RBMS3: variants seen among roughly 807,000 people sequenced by gnomAD.
RBMS3 encodes RNA-binding motif, single-stranded-interacting protein 3.
Under a neutral mutation model 66.8 loss-of-function variants are expected in RBMS3, and 27 were observed. The ratio of observed to expected loss-of-function variants is 0.40; its 90% CI spans 0.30 to 0.56. The LOEUF (loss-of-function observed/expected upper bound fraction) is 0.56. Among genes scored for constraint, RBMS3 ranks in the 20% least tolerant of loss-of-function variants. RBMS3 has a pLI of 0.40. For missense variants in RBMS3, 513 were observed against 549.5 expected (o/e 0.93, Z 0.66); for synonymous variants, 188 against 183.0 (o/e 1.03, Z -0.22).
At chr3:29,396,712 G>T (rs189910470) in intron 1 of RBMS3, among the ~76,000 whole-genome samples, 310 of 152,214 alleles carry the variant, frequency 2.0e-3, no homozygotes, top group Middle Eastern at 6.8e-3. Context: ...CTAGGGAAAA[G>T]ATATATTCTT....
intron 4 of RBMS3, among the ~76,000 whole-genome samples, chr3:29,722,178 GTTTAT>G (rs1002528473): frequency 1.1e-4 from 16 of 152,080 alleles, no homozygotes; most frequent in Non-Finnish European, 2.2e-4. Flanking sequence ...TTAACAGCTT[GTTTAT>G]TTTATTTTTT....
chr3:29,383,610 G>T (rs1381022330), intron 1 of RBMS3, among the ~76,000 whole-genome samples: 3 of 152,166 alleles, frequency 2.0e-5, no homozygotes, highest in Non-Finnish European at 4.4e-5. Context: ...TATATTGTTA[G>T]TGTAAAATAT....
chr3:29,804,868 A>G (rs2149448223), intron 6 of RBMS3, among the ~76,000 whole-genome samples: 1 of 151,896 alleles, frequency 6.6e-6, no homozygotes, highest in East Asian at 1.9e-4. Context: ...TTTAATCAAT[A>G]ACACAGCTTA....
At chr3:29,713,990 G>T (rs1421337417) in intron 4 of RBMS3, among the ~76,000 whole-genome samples, 1 of 152,162 alleles carries the variant, frequency 6.6e-6, no homozygotes, top group Non-Finnish European at 1.5e-5. Flanking sequence ...GGGAAGCAAA[G>T]GTTGCAGTGA....
chr3:29,312,438 G>A (rs1405866978), intron 1 of RBMS3, among the ~76,000 whole-genome samples: 1 of 151,640 alleles, frequency 6.6e-6, no homozygotes, highest in Non-Finnish European at 1.5e-5. Flanking sequence ...TCAGGGGAAG[G>A]CAAATTCATA....
chr3:29,714,539 C>G (rs533095862), intron 4 of RBMS3, among the ~76,000 whole-genome samples: 30 of 152,236 alleles, frequency 2.0e-4, no homozygotes, highest in Non-Finnish European at 3.4e-4. Flanking sequence ...AATTTAAAAT[C>G]ATGAGACTTG....
chr3:29,995,997 A>G (rs1185977817), intron 14 of RBMS3, among the ~76,000 whole-genome samples: 1 of 152,218 alleles, frequency 6.6e-6, no homozygotes, highest in Non-Finnish European at 1.5e-5. Flanking sequence ...GTCAAGACCC[A>G]TCAGTGTGCT....
chr3:29,752,071 T>G (rs2055207212), intron 5 of RBMS3, among the ~76,000 whole-genome samples: 1 of 151,790 alleles, frequency 6.6e-6, no homozygotes, highest in Non-Finnish European at 1.5e-5. Flanking sequence ...CCAGGAGGAG[T>G]GAGGTCACAC....
At chr3:29,869,486 C>CAT in intron 7 of RBMS3, among the ~76,000 whole-genome samples, 1 of 151,860 alleles carries the variant, frequency 6.6e-6, no homozygotes, top group East Asian at 1.9e-4. Flanking sequence ...CACACACACA[C>CAT]ATATATAAAA....
At chr3:29,428,959 T>G (rs1413974767) in intron 1 of RBMS3, among the ~76,000 whole-genome samples, 2 of 152,240 alleles carry the variant, frequency 1.3e-5, no homozygotes, top group African/African-American at 4.8e-5. Context: ...ATCATCATTC[T>G]TTCCCTCCTG....
At chr3:29,959,478 G>A (rs1372570166) in intron 12 of RBMS3, among the ~76,000 whole-genome samples, 1 of 152,114 alleles carries the variant, frequency 6.6e-6, no homozygotes, top group Non-Finnish European at 1.5e-5. Flanking sequence ...AAGCCTCCAG[G>A]TGACTCTGGT....
At position 29,676,017 on chromosome 3, in the gene RBMS3, A is replaced by T. The variant is rs189419319; in HGVS notation, c.400-63703A>T. ...ACTATTCACAATAGCAAAGACTTGG[A>T]ACCAACCAAGATGTCCATCACTGAT... is the stretch of plus-strand genomic sequence containing the variant. On this transcript the variant is annotated intron_variant, in intron 4 of 14. Transcript: ENST00000383767. 1.3e-4 allele frequency among the ~76,000 whole-genome samples: 20 copies of T among 152,356 alleles called. No individual in the cohort carries two copies. In the East Asian group the frequency reaches 3.9e-3, roughly 29 times the overall value.
chr3:29,953,359 G>A (rs1407630798), intron 12 of RBMS3, among the ~76,000 whole-genome samples: 3 of 151,918 alleles, frequency 2.0e-5, no homozygotes, highest in Admixed American at 2.0e-4. Flanking sequence ...TCTCTCTTTT[G>A]TCCACCACAG....
At chr3:29,680,835 T>G (rs1411148516) in intron 4 of RBMS3, among the ~76,000 whole-genome samples, 1 of 152,228 alleles carries the variant, frequency 6.6e-6, no homozygotes, top group African/African-American at 2.4e-5. Flanking sequence ...TCAATGTTTC[T>G]ATTTTTCCTC....
At chr3:29,323,070 C>T (rs1194440820) in intron 1 of RBMS3, among the ~76,000 whole-genome samples, 2 of 152,142 alleles carry the variant, frequency 1.3e-5, no homozygotes, top group African/African-American at 4.8e-5. Flanking sequence ...GAAGTTGGTG[C>T]TGTTAATGTC....
chr3:29,673,369 C>T (rs1325961832), intron 4 of RBMS3, among the ~76,000 whole-genome samples: 2 of 151,594 alleles, frequency 1.3e-5, no homozygotes, highest in Non-Finnish European at 2.9e-5. Context: ...CATTCAAAAG[C>T]TAGCAGAAGG....
chr3:29,779,713 A>G (rs1576781974), intron 6 of RBMS3, among the ~76,000 whole-genome samples: 1 of 144,320 alleles, frequency 6.9e-6, no homozygotes. Context: ...TGAAATATAT[A>G]TATATATATA....
intron 1 of RBMS3, among the ~76,000 whole-genome samples, chr3:29,384,027 G>A (rs2038890339): frequency 6.6e-6 from 1 of 152,138 alleles, no homozygotes; most frequent in African/African-American, 2.4e-5. Flanking sequence ...AAATTATAAT[G>A]GAAGAGAGCT....
At chr3:29,494,398 G>A (rs531654406) in intron 3 of RBMS3, among the ~76,000 whole-genome samples, 137 of 152,190 alleles carry the variant, frequency 9.0e-4, no homozygotes, top group African/African-American at 3.1e-3. Context: ...TTCTTTCTTG[G>A]GTGGTGGCTG....
Sources: gnomAD v4.1 joint callset for allele counts (sites outside exome capture counted in the v4.1 genomes callset) on GRCh38, gnomAD v4.1.1 for gene constraint, MANE v1.5 for transcripts, NCBI Gene and HGNC (gene_info 2026-07-23, HGNC 2026-07-21) for gene names.